Variants in MPRIP observed in about 807,000 individuals in gnomAD.
MPRIP encodes myosin phosphatase Rho-interacting protein.
A neutral mutation model predicts 234.9 loss-of-function variants in MPRIP; 59 were observed. The ratio of observed to expected loss-of-function variants is 0.25; its 90% CI spans 0.20 to 0.31. The LOEUF (loss-of-function observed/expected upper bound fraction) is 0.31. Among genes scored for constraint, MPRIP ranks in the 10% least tolerant of loss-of-function variants. MPRIP has a pLI of 1.00. For missense variants in MPRIP, 2,436 were observed against 3,071.0 expected (o/e 0.79, Z 4.89); for synonymous variants, 1,144 against 1,263.9 (o/e 0.91, Z 2.01).
At chr17:17,085,855 G>T (rs1410838750) in intron 3 of MPRIP, among the ~76,000 whole-genome samples, 3 of 152,218 alleles carry the variant, frequency 2.0e-5, no homozygotes, top group African/African-American at 7.2e-5. Context: ...AGAGCTTGCA[G>T]TGAGCTGAGA....
chr17:17,071,587 C>T (rs1222560034), intron 1 of MPRIP, among the ~76,000 whole-genome samples: 1 of 152,178 alleles, frequency 6.6e-6, no homozygotes, highest in African/African-American at 2.4e-5. Flanking sequence ...AGTTTCAAGG[C>T]ACTGTTTTTG....
At chr17:17,119,274 T>C (rs2090344202) in intron 3 of MPRIP, among the ~76,000 whole-genome samples, 1 of 152,272 alleles carries the variant, frequency 6.6e-6, no homozygotes, top group South Asian at 2.1e-4. Context: ...GTGGTGTTCC[T>C]GCCTGGGCGC....
intron 10 of MPRIP, 60 bp from the exon 11 acceptor site, chr17:17,147,248 ACCGCCGTGGCG>A: frequency 6.8e-7 from 1 of 1,468,696 alleles, no homozygotes; most frequent in Non-Finnish European, 9.5e-7. Context: ...CTGGCTGCGC[ACCGCCGTGGCG>A]TGGCAGGCAT....
intron 3 of MPRIP, among the ~76,000 whole-genome samples, chr17:17,118,170 G>T (rs2090321046): frequency 6.6e-6 from 1 of 152,240 alleles, no homozygotes; most frequent in Non-Finnish European, 1.5e-5. Flanking sequence ...CGGGGGCTGT[G>T]TGGCTAGCCC....
chr17:17,138,151 A>G lies in MPRIP; in HGVS notation c.972A>G (p.Gln324=), dbSNP rs771787392. ...LPSPGPRLPH[Q]MVCSISLSSL... The stretch of plus-strand genomic sequence containing the variant: ...CCCCAGGTCCTCGACTCCCCCACCA[A>G]ATGGTCTGCAGCATCTCCCTCAGCT... The change falls in exon 7 of 24, where the codon CAA becomes CAG. Residue 324 remains glutamine, a synonymous_variant. Transcript: ENST00000651222. The surrounding 1 kb of genome is among the most constrained non-coding windows in gnomAD (Gnocchi z 5.8). The G allele has an allele frequency of 1.5e-5, 20 of 1,304,326 alleles. No individual in the cohort carries two copies. The highest frequency in any genetic ancestry group is 2.0e-5 in the Non-Finnish European group (19 of 950,378). 80.8% of individuals were successfully genotyped at this position (1,304,326 alleles called of 1,614,324 possible).
rs2046141223 is a variant in MPRIP, at chr17:17,171,789, G to A, written c.6396G>A (p.Gln2132=). ...HQKKIEDLQR[Q]HQRELEKLRE... ...AGAAGATTGAAGATCTCCAGAGGCAGCACCAGCGGGAGCTAGAGAAACTTC... is the reference window on the plus strand; with the variant it reads ...AGAAGATTGAAGATCTCCAGAGGCAACACCAGCGGGAGCTAGAGAAACTTC... Residue 2132 remains glutamine, a synonymous_variant, in exon 17 of 24, where the codon CAG becomes CAA. Transcript: ENST00000651222. 6.2e-7 allele frequency: 1 copy of A among 1,613,770 alleles called. No individual in the cohort carries two copies.
chr17:17,166,170 C>T lies in MPRIP; in HGVS notation c.4579C>T (p.His1527Tyr). 7.7e-7 allele frequency: 1 copy of T among 1,302,734 alleles called. No individual in the cohort carries two copies. Among genetic ancestry groups the T allele is most frequent in the Non-Finnish European group, 1.0e-6 (1 of 988,214 alleles). 80.7% of individuals were successfully genotyped at this position (1,302,734 alleles called of 1,614,324 possible). ...QALQHWPAPA[H>Y]GGARAQLETG... is the part of the protein sequence containing the mutation. Reference sequence around the variant, plus strand: ...CCTGCAGCACTGGCCGGCCCCAGCCCATGGCGGGGCCCGTGCACAGCTGGA... The same window carrying T: ...CCTGCAGCACTGGCCGGCCCCAGCCTATGGCGGGGCCCGTGCACAGCTGGA... Residue 1527 changes from histidine to tyrosine, a missense_variant, in exon 16 of 24, where the codon CAT becomes TAT. Transcript: ENST00000651222. The surrounding 1 kb of genome is among the most constrained non-coding windows in gnomAD (Gnocchi z 4.4).
At chr17:17,043,671 C>T (rs1480039656) in intron 1 of MPRIP, among the ~76,000 whole-genome samples, 1 of 152,182 alleles carries the variant, frequency 6.6e-6, no homozygotes, top group Non-Finnish European at 1.5e-5. Flanking sequence ...ACACAGAGTT[C>T]TGGGGCCCCC....
At chr17:17,059,353 A>G (rs1871892490) in intron 1 of MPRIP, among the ~76,000 whole-genome samples, 2 of 152,158 alleles carry the variant, frequency 1.3e-5, no homozygotes. Flanking sequence ...ATTTTTATTA[A>G]AATGGTTTTG....
At chr17:17,115,256 C>G (rs1315984546) in intron 3 of MPRIP, among the ~76,000 whole-genome samples, 4 of 152,240 alleles carry the variant, frequency 2.6e-5, no homozygotes, top group Non-Finnish European at 5.9e-5. Context: ...CTGTCACATT[C>G]CAGTAGAGGG....
chr17:17,150,268 G>C, intron 12 of MPRIP, 35 bp downstream of exon 12: 1 of 1,509,870 alleles, frequency 6.6e-7, no homozygotes, highest in South Asian at 1.1e-5. Flanking sequence ...CCACAGGCTT[G>C]ACAGGCAGGG....
intron 3 of MPRIP, among the ~76,000 whole-genome samples, chr17:17,099,513 G>A (rs1193166925): frequency 3.3e-5 from 5 of 152,192 alleles, no homozygotes; most frequent in African/African-American, 1.2e-4. Context: ...GTCAGTTGAG[G>A]CCAGGAGTTC....
intron 1 of MPRIP, among the ~76,000 whole-genome samples, chr17:17,069,881 T>G (rs2089152662): frequency 6.6e-6 from 1 of 152,250 alleles, no homozygotes; most frequent in African/African-American, 2.4e-5. Context: ...GGATTCCTTC[T>G]TCTATGATTT....
chr17:17,097,484 C>A (rs2089872248), intron 3 of MPRIP: 1 of 152,158 alleles, frequency 6.6e-6, no homozygotes. Context: ...CAGAGGGAGA[C>A]CCTGTCTCTT....
chr17:17,092,761 A>T (rs1319206107), intron 3 of MPRIP, among the ~76,000 whole-genome samples: 1 of 151,994 alleles, frequency 6.6e-6, no homozygotes, highest in Non-Finnish European at 1.5e-5. Flanking sequence ...TCTGTCTCCT[A>T]CAGAGACTCT....
intron 3 of MPRIP, among the ~76,000 whole-genome samples, chr17:17,115,328 G>A (rs944441900): frequency 6.6e-6 from 1 of 152,256 alleles, no homozygotes; most frequent in African/African-American, 2.4e-5. Flanking sequence ...CTTCTGTGAT[G>A]GAGGCGGCAT....
chr17:17,167,060 G>A lies in MPRIP; in HGVS notation c.5469G>A (p.Ser1823=), dbSNP rs1421159905. Residue 1823 remains serine (S), a synonymous_variant, in exon 16 of 24, where the codon TCG becomes TCA. Transcript: ENST00000651222. This position sits in a 1 kb window ranked among gnomAD's most constrained non-coding sequence, Gnocchi z 5.9. ...QKLLQVSQSL[S]YNTCLGGLGQ... ...TTCTCCAGGTGTCCCAGAGTCTCTC[G>A]TATAACACTTGTTTGGGAGGCCTCG... The A allele has an allele frequency of 2.4e-5, 31 of 1,304,192 alleles. No individual in the cohort carries two copies. Among genetic ancestry groups the A allele is most frequent in the Non-Finnish European group, 2.9e-5 (29 of 988,974 alleles). 80.8% of individuals were successfully genotyped at this position (1,304,192 alleles called of 1,614,324 possible). A position where few individuals can be genotyped will look rare whatever the true frequency, so the allele number is the denominator to read the frequency against.
At chr17:17,075,617 A>G (rs2144038875) in intron 1 of MPRIP, 93 bp from the exon 2 acceptor site, 2 of 1,073,410 alleles carry the variant, frequency 1.9e-6, no homozygotes, top group South Asian at 2.6e-5. Context: ...CAGAGGCAAC[A>G]TCTGTTTCCA....
intron 3 of MPRIP, among the ~76,000 whole-genome samples, chr17:17,079,645 A>T (rs1268990069): frequency 6.6e-6 from 1 of 152,232 alleles, no homozygotes; most frequent in African/African-American, 2.4e-5. Flanking sequence ...ACTGGATTAC[A>T]TTCAGGCTGG....
Sources: allele counts gnomAD v4.1 joint callset (sites outside exome capture counted in the v4.1 genomes callset), GRCh38; gene constraint gnomAD v4.1.1; non-coding constraint Gnocchi (gnomAD v3.1); transcripts MANE v1.5; gene names NCBI Gene and HGNC (gene_info 2026-07-23, HGNC 2026-07-21).